The following TENM2 variants were observed in gnomAD, a reference collection of about 807,000 sequenced individuals.
TENM2 encodes teneurin transmembrane protein 2.
Under a neutral mutation model 245.2 loss-of-function variants are expected in TENM2, and 52 were observed. The ratio of observed to expected loss-of-function variants is 0.21; its 90% CI spans 0.17 to 0.27. The LOEUF is 0.27. Ranked by LOEUF, TENM2 falls within the 10% of genes least tolerant of loss-of-function variation. The pLI is 1.00. For synonymous variants in TENM2, 1,363 were observed against 1,438.9 expected (o/e 0.95, Z 1.19); for missense variants, 3,046 against 3,666.8 (o/e 0.83, Z 4.37).
intron 2 of TENM2, among the ~76,000 whole-genome samples, chr5:167,781,108 C>T (rs1002194734): frequency 1.3e-5 from 2 of 152,070 alleles, no homozygotes; most frequent in Non-Finnish European, 2.9e-5. Flanking sequence ...CTCAGGAGTT[C>T]AAGACCAGTC....
At chr5:167,776,770 T>C (rs1322553809) in intron 2 of TENM2, among the ~76,000 whole-genome samples, 1 of 151,888 alleles carries the variant, frequency 6.6e-6, no homozygotes, top group African/African-American at 2.4e-5. Context: ...TTAGGCAGCA[T>C]CTATGATTTT....
chr5:167,470,328 A>C (rs1229530481), intron 2 of TENM2, among the ~76,000 whole-genome samples: 1 of 152,102 alleles, frequency 6.6e-6, no homozygotes, highest in Non-Finnish European at 1.5e-5. Context: ...GTTCAATTAT[A>C]GATCACCATT....
intron 2 of TENM2, among the ~76,000 whole-genome samples, chr5:167,796,513 G>A (rs372447918): frequency 1.4e-4 from 21 of 152,238 alleles, no homozygotes; most frequent in East Asian, 1.2e-3. Context: ...ATTAATACCT[G>A]AGTGATGCCT....
At chr5:167,649,678 T>A (rs1013952769) in intron 2 of TENM2, among the ~76,000 whole-genome samples, 26 of 152,258 alleles carry the variant, frequency 1.7e-4, no homozygotes, top group Admixed American at 1.6e-3. Context: ...GATATGGATG[T>A]GTTTTTGAGG....
rs79433380 is a variant in TENM2, at chr5:168,262,860, T to C, written c.*50T>C. ...GTCTGAATGGCTCAGCAGGAGTAAC[T>C]GTTATCTCCTCTCCTAAGGAGATGA... is the stretch of plus-strand genomic sequence containing the variant. On this transcript the variant is annotated 3_prime_UTR_variant, in exon 29 of 29. Transcript: ENST00000518659. The C allele has an allele frequency of 6.4e-5, 96 of 1,495,606 alleles. 1 individual carries two copies. In the African/African-American group the frequency reaches 1.3e-3, roughly 20 times the overall value. 92.6% of individuals were successfully genotyped at this position (1,495,606 alleles called of 1,614,324 possible). A position where few individuals can be genotyped will look rare whatever the true frequency, so the allele number is the denominator to read the frequency against.
At position 167,361,139 on chromosome 5, in the gene TENM2, T is replaced by C. The variant is rs375581962; in HGVS notation, c.227-14059T>C. On this transcript the variant is annotated intron_variant, in intron 1 of 28. Coordinates refer to ENST00000518659, the Ensembl canonical transcript of TENM2. ...ATAGAAAACATTATGATATCACAAA[T>C]AATTTAAAGTATGGAACTAGGATAG... 5.9e-5 allele frequency among the ~76,000 whole-genome samples: 9 copies of C among 152,336 alleles called. 1 individual carries two copies. The East Asian group carries it at 1.2e-3, about 20-fold the overall frequency.
intron 2 of TENM2, among the ~76,000 whole-genome samples, chr5:167,770,176 C>T (rs978417851): frequency 1.1e-4 from 17 of 152,102 alleles, no homozygotes; most frequent in African/African-American, 4.1e-4. Context: ...AGGCACAGCC[C>T]CTACCTCATG....
chr5:167,017,379 G>T, the TENM2 span, among the ~76,000 whole-genome samples: 32 of 152,302 alleles, frequency 2.1e-4, no homozygotes, highest in African/African-American at 7.2e-4. Context: ...GTTTCCCTAT[G>T]TGTACAAAGA....
chr5:167,074,373 G>A, the TENM2 span, among the ~76,000 whole-genome samples: 18 of 152,176 alleles, frequency 1.2e-4, no homozygotes, highest in Middle Eastern at 3.4e-3. Context: ...TTAGGTGGCC[G>A]AGGAAGTAGA....
intron 2 of TENM2, among the ~76,000 whole-genome samples, chr5:167,389,244 T>C (rs997563331): frequency 3.2e-5 from 4 of 125,530 alleles, no homozygotes; most frequent in African/African-American, 1.5e-4. Context: ...ATATAGTGCA[T>C]TTAAAATATA....
At chr5:168,097,607 T>C (rs1021576512) in intron 8 of TENM2, among the ~76,000 whole-genome samples, 15 of 148,648 alleles carry the variant, frequency 1.0e-4, no homozygotes, top group African/African-American at 2.7e-4. Context: ...TGTGTGCGTG[T>C]GTGTGTGTGT....
chr5:167,203,627 C>T, the TENM2 span, among the ~76,000 whole-genome samples: 4 of 152,244 alleles, frequency 2.6e-5, no homozygotes, highest in Middle Eastern at 6.8e-3. Flanking sequence ...AGAGGCTCTA[C>T]TTAAAAAAAT....
At chr5:167,819,058 C>CTG (rs145489126) in intron 2 of TENM2, among the ~76,000 whole-genome samples, 9,318 of 147,546 alleles carry the variant, frequency 0.063, 346 homozygotes, top group Middle Eastern at 0.14. Context: ...TGGTGTGTGA[C>CTG]TGTGTGTGTG....
At chr5:167,836,004 A>C (rs1768954887) in intron 2 of TENM2, among the ~76,000 whole-genome samples, 1 of 152,210 alleles carries the variant, frequency 6.6e-6, no homozygotes, top group Non-Finnish European at 1.5e-5. Flanking sequence ...TTTGTTTTGA[A>C]CCAGCCTGCA....
chr5:167,745,466 G>C (rs1761491983), intron 2 of TENM2, among the ~76,000 whole-genome samples: 1 of 152,186 alleles, frequency 6.6e-6, no homozygotes, highest in Admixed American at 6.5e-5. Context: ...ATTTCTTACT[G>C]CTGAAGTTCC....
chr5:167,566,656 T>C (rs1231325610), intron 2 of TENM2, among the ~76,000 whole-genome samples: 1 of 152,198 alleles, frequency 6.6e-6, no homozygotes, highest in Non-Finnish European at 1.5e-5. Context: ...CAACTTCTGG[T>C]TGGATGCTTT....
At chr5:167,903,132 A>G (rs1182925119) in intron 3 of TENM2, among the ~76,000 whole-genome samples, 1 of 152,240 alleles carries the variant, frequency 6.6e-6, no homozygotes, top group Non-Finnish European at 1.5e-5. Context: ...TTCAAAAACA[A>G]CTAGAAAACA....
At chr5:167,158,694 A>C in the TENM2 span, among the ~76,000 whole-genome samples, 1 of 152,122 alleles carries the variant, frequency 6.6e-6, no homozygotes, top group Non-Finnish European at 1.5e-5. Flanking sequence ...CTGTCTCCTT[A>C]CAAGGATACA....
At chr5:167,138,040 G>C in the TENM2 span, among the ~76,000 whole-genome samples, 1 of 152,194 alleles carries the variant, frequency 6.6e-6, no homozygotes, top group African/African-American at 2.4e-5. Flanking sequence ...ACCAGTTCAA[G>C]AGTAAGATTA....
Sources: gnomAD v4.1 joint callset for allele counts (sites outside exome capture counted in the v4.1 genomes callset) on GRCh38, gnomAD v4.1.1 for gene constraint, MANE v1.5 for transcripts, NCBI Gene and HGNC (gene_info 2026-07-23, HGNC 2026-07-21) for gene names.